KCNQ4: variants seen among roughly 807,000 people sequenced by gnomAD.
The protein encoded by KCNQ4 is potassium voltage-gated channel subfamily KQT member 4.
Under a neutral mutation model 72.6 loss-of-function variants are expected in KCNQ4, and 31 were observed. The observed-to-expected ratio is 0.43, with a 90% CI of 0.32 to 0.58. The LOEUF (loss-of-function observed/expected upper bound fraction) is 0.58. Among genes scored for constraint, KCNQ4 ranks in the 20% least tolerant of loss-of-function variants. The probability of loss-of-function intolerance (pLI) is 0.08; values close to 1 mark genes in which losing one functional copy is unlikely to be tolerated. For synonymous variants in KCNQ4, 405 were observed against 403.7 expected (o/e 1.00, Z -0.04); for missense variants, 869 against 962.6 (o/e 0.90, Z 1.29).
intron 1 of KCNQ4, among the ~76,000 whole-genome samples, chr1:40,813,973 T>C (rs1270357909): frequency 2.6e-5 from 4 of 151,270 alleles, no homozygotes; most frequent in Non-Finnish European, 5.9e-5. Flanking sequence ...GGTCTCGATC[T>C]CCTGACCTTG....
chr1:40,837,709 G>A lies in KCNQ4; in HGVS notation c.1790G>A (p.Arg597Gln). ...CGGGGGCCCGGGGACAGGAAGGCCC[G>A]GGAGAAGGGCGACAAGGGGCCCTCC... ...VGRGPGDRKAREKGDKGPSDA... is the reference protein window; with the variant it reads ...VGRGPGDRKAQEKGDKGPSDA... The change falls in exon 13 of 14, where the codon CGG becomes CAG. Residue 597 changes from arginine (R) to glutamine (Q), a missense_variant. This residue lies in a region of KCNQ4 where 480 missense variants were observed against 501.9 expected (regional missense o/e 0.96). Coordinates refer to ENST00000347132, the MANE Select transcript of KCNQ4 (RefSeq NM_004700.4). 2 of 1,613,416 alleles carry A rather than the reference G, an allele frequency of 1.2e-6. No individual in the cohort carries two copies. The highest frequency in any genetic ancestry group is 1.7e-6 in the Non-Finnish European group (2 of 1,179,810).
At chr1:40,822,936 T>C (rs571116786) in intron 8 of KCNQ4, among the ~76,000 whole-genome samples, 10 of 152,272 alleles carry the variant, frequency 6.6e-5, no homozygotes, top group African/African-American at 1.4e-4. Context: ...AGGCTAAGAC[T>C]GCATGGGGGT....
At chr1:40,830,298 GA>G (rs754297186) in intron 9 of KCNQ4, among the ~76,000 whole-genome samples, 19 of 152,160 alleles carry the variant, frequency 1.2e-4, no homozygotes, top group Non-Finnish European at 2.4e-4. Context: ...CCAGCAGCTA[GA>G]ACCATGGGGC....
At chr1:40,819,602 A>T in intron 5 of KCNQ4, 130 bp downstream of exon 5, 1 of 1,289,958 alleles carries the variant, frequency 7.8e-7, no homozygotes, top group Non-Finnish European at 1.1e-6. Context: ...TAGAGCTGGG[A>T]CCCCCCTGAG....
chr1:40,797,485 G>T (rs1557991653), intron 1 of KCNQ4, among the ~76,000 whole-genome samples: 1 of 152,212 alleles, frequency 6.6e-6, no homozygotes, highest in Non-Finnish European at 1.5e-5. Flanking sequence ...AGGCTGGGAT[G>T]CAACAGGGCC....
chr1:40,786,496 G>T (rs12037865), intron 1 of KCNQ4, among the ~76,000 whole-genome samples: 1 of 152,320 alleles, frequency 6.6e-6, no homozygotes, highest in East Asian at 1.9e-4. Context: ...ACTTGTCCCC[G>T]GGAGCCCAGG....
intron 1 of KCNQ4, among the ~76,000 whole-genome samples, chr1:40,785,467 GGCCCACCTGCCT>G (rs1382805515): frequency 1.3e-5 from 2 of 152,182 alleles, no homozygotes; most frequent in African/African-American, 2.4e-5. Flanking sequence ...TCTCCTGGGT[GGCCCACCTGCCT>G]GCCCACCTGA....
At chr1:40,826,170 G>A (rs1366350502) in intron 9 of KCNQ4, among the ~76,000 whole-genome samples, 1 of 152,214 alleles carries the variant, frequency 6.6e-6, no homozygotes, top group Non-Finnish European at 1.5e-5. Context: ...CACTCGGTTG[G>A]CCACACCTCT....
At position 40,837,752 on chromosome 1, in the gene KCNQ4, T is replaced by C. The variant is rs1648847767; in HGVS notation, c.1833T>C (p.Asp611=). 2 of 1,612,070 alleles carry C rather than the reference T, an allele frequency of 1.2e-6. No individual in the cohort carries two copies. The highest frequency in any genetic ancestry group is 1.7e-6 in the Non-Finnish European group (2 of 1,179,384). Reference sequence around the variant, plus strand: ...GGCCCTCCGACGCGGAGGTGGTGGATGAAATCAGCATGATGGGACGCGTGG... The same window carrying C: ...GGCCCTCCGACGCGGAGGTGGTGGACGAAATCAGCATGATGGGACGCGTGG... ...DKGPSDAEVV[D]EISMMGRVVK... The change falls in exon 13 of 14, where the codon GAT becomes GAC. Residue 611 remains aspartate (D), a synonymous_variant. Transcript: ENST00000347132.
Position 40,817,105 on chromosome 1 carries a change from C to T in KCNQ4, c.315-160C>T, listed in dbSNP as rs994739561. 6.6e-6 allele frequency among the ~76,000 whole-genome samples: 1 copy of T among 152,216 alleles called. No homozygotes were observed. Among genetic ancestry groups the T allele is most frequent in the African/African-American group, 2.4e-5 (1 of 41,456 alleles). On this transcript the variant is annotated intron_variant, in intron 1 of 13. Coordinates refer to ENST00000347132, the MANE Select transcript of KCNQ4 (RefSeq NM_004700.4). This position sits in a 1 kb window ranked among gnomAD's most constrained non-coding sequence, Gnocchi z 5.5. ...CTTGAGGGCTGCTGCCTTTGGTGCC[C>T]AGCACAGAGCTGTAACTCCAGGGAA... is the stretch of plus-strand genomic sequence containing the variant.
chr1:40,787,263 G>A (rs909563639), intron 1 of KCNQ4, among the ~76,000 whole-genome samples: 1 of 152,064 alleles, frequency 6.6e-6, no homozygotes, highest in African/African-American at 2.4e-5. Flanking sequence ...CAATTACTTG[G>A]GAGGCTGAGG....
rs1222519782 is a variant in KCNQ4, at chr1:40,786,306, CACAAGGG to C, written c.314+1900_314+1906del. On this transcript the variant is annotated intron_variant, in intron 1 of 13. Transcript: ENST00000347132. ...CCCCCAGGCTTGGCCTTACAGCCCCCACAAGGGTCAGTGGAGGTGAAGGACCTGCCTC... is the reference window on the plus strand; with the variant it reads ...CCCCCAGGCTTGGCCTTACAGCCCCCTCAGTGGAGGTGAAGGACCTGCCTC... 2.0e-5 allele frequency among the ~76,000 whole-genome samples: 3 copies of C among 152,212 alleles called. No homozygotes were observed. The East Asian group carries it at 5.8e-4, about 29-fold the overall frequency.
At chr1:40,820,752 C>T (rs1648263584) in intron 7 of KCNQ4, among the ~76,000 whole-genome samples, 1 of 152,114 alleles carries the variant, frequency 6.6e-6, no homozygotes, top group African/African-American at 2.4e-5. Flanking sequence ...TTGAGCTGGG[C>T]AAGGAGACAG....
chr1:40,838,936 C>T lies in KCNQ4; in HGVS notation c.*413C>T, dbSNP rs188134204. 1.4e-3 allele frequency: 391 copies of T among 289,050 alleles called. 1 individual carries two copies. The highest frequency in any genetic ancestry group is 8.0e-3 in the African/African-American group (370 of 46,348). 17.9% of individuals were successfully genotyped at this position (289,050 alleles called of 1,614,324 possible). A position where few individuals can be genotyped will look rare whatever the true frequency, so the allele number is the denominator to read the frequency against. On this transcript the variant is annotated 3_prime_UTR_variant, in exon 14 of 14. Coordinates refer to ENST00000347132, the MANE Select transcript of KCNQ4 (RefSeq NM_004700.4). ...ACCCTTCGGACACAGCAGGGAAGCC[C>T]TCCCGCCAAGTCCCCGCCCCACTTG...
chr1:40,802,776 C>T (rs1056780736), intron 1 of KCNQ4, among the ~76,000 whole-genome samples: 2 of 152,202 alleles, frequency 1.3e-5, no homozygotes, highest in Non-Finnish European at 2.9e-5. Context: ...CTTTCTGCAA[C>T]CCCTCTGTAG....
chr1:40,807,005 C>T (rs1448640449), intron 1 of KCNQ4, among the ~76,000 whole-genome samples: 3 of 152,122 alleles, frequency 2.0e-5, no homozygotes, highest in Admixed American at 1.3e-4. Context: ...ACAAAGGGGC[C>T]GGCTGAGAGG....
At chr1:40,785,344 G>C (rs183333375) in intron 1 of KCNQ4, among the ~76,000 whole-genome samples, 1 of 152,316 alleles carries the variant, frequency 6.6e-6, no homozygotes, top group African/African-American at 2.4e-5. Context: ...TGAAGGGCTG[G>C]GCCTGACGCT....
intron 9 of KCNQ4, chr1:40,826,504 G>A (rs1343516400): frequency 2.6e-6 from 1 of 381,528 alleles, no homozygotes; most frequent in Non-Finnish European, 5.5e-6. Flanking sequence ...TGATGGGGCT[G>A]GAGGATGATT....
intron 1 of KCNQ4, among the ~76,000 whole-genome samples, chr1:40,792,771 C>T (rs1434744464): frequency 1.3e-5 from 2 of 152,036 alleles, no homozygotes; most frequent in African/African-American, 4.8e-5. Context: ...GGTATCAATC[C>T]CTCCCCTATA....
Sources: allele counts gnomAD v4.1 joint callset (sites outside exome capture counted in the v4.1 genomes callset), GRCh38; gene constraint gnomAD v4.1.1; regional missense constraint gnomAD v4.1.1; non-coding constraint Gnocchi (gnomAD v3.1); transcripts MANE v1.5; gene names NCBI Gene and HGNC (gene_info 2026-07-23, HGNC 2026-07-21).